Variants in PHF21A observed in about 807,000 individuals in gnomAD.
PHF21A encodes the protein PHD finger protein 21A.
In PHF21A, 11 loss-of-function variants were observed where a neutral mutation model predicts 82.5. That is an observed-to-expected ratio of 0.13 (90% CI 0.08 to 0.22). The LOEUF is 0.22. PHF21A is among the 10% of genes least tolerant of loss of function. PHF21A has a pLI of 1.00. For synonymous variants in PHF21A, 297 were observed against 302.8 expected, an observed-to-expected ratio of 0.98 and a Z score of 0.20; for missense variants, 579 against 837.8, an observed-to-expected ratio of 0.69 and a Z score of 3.81.
rs751080422 is a variant in PHF21A at position 45,953,595 on chromosome 11, T to G, written c.1027A>C (p.Lys343Gln). The G allele has an allele frequency of 6.2e-7, 1 of 1,613,822 alleles. No individual in the cohort carries two copies. Among genetic ancestry groups the G allele is most frequent in the Non-Finnish European group, 8.5e-7 (1 of 1,179,762 alleles). The change falls in exon 11 of 19, where the codon AAA becomes CAA. Residue 343 changes from lysine (K) to glutamine (Q), a missense_variant. Coordinates refer to ENST00000676320, the MANE Select transcript of PHF21A (RefSeq NM_001352027.3). ...GTGATGGTGCGGCTCTCTGTTTGTT[T>G]CTCATCTGTTTCTGTGTGAGATTTA... is the stretch of plus-strand genomic sequence containing the variant. ...TVKSHTETDE[K>Q]QTESRTITPP... is the part of the protein sequence containing the mutation.
chr11:46,026,114 G>A (rs1374818112), intron 6 of PHF21A, among the ~76,000 whole-genome samples: 2 of 152,178 alleles, frequency 1.3e-5, no homozygotes, highest in African/African-American at 2.4e-5. Flanking sequence ...GTACTTAGGC[G>A]AGAGACCTGG....
chr11:45,946,110 A>G (rs1466050599), intron 14 of PHF21A, 107 bp from the exon 15 acceptor site: 8 of 1,613,818 alleles, frequency 5.0e-6, no homozygotes, highest in Non-Finnish European at 5.9e-6. Context: ...TAGCATGGAA[A>G]AGGAAGTGAG....
intron 10 of PHF21A, among the ~76,000 whole-genome samples, chr11:45,961,659 T>C (rs974705010): frequency 1.2e-4 from 18 of 152,088 alleles, no homozygotes; most frequent in African/African-American, 1.7e-4. Flanking sequence ...GAAGTCTTTG[T>C]TGCAGGGTGG....
chr11:45,985,503 G>C (rs1125290), intron 6 of PHF21A, among the ~76,000 whole-genome samples: 80,271 of 152,018 alleles, frequency 0.53, 23,413 homozygotes, highest in Non-Finnish European at 0.66. Flanking sequence ...AATTCAATAA[G>C]AGAATCTGCA....
chr11:45,966,858 C>A (rs113249459), intron 9 of PHF21A, among the ~76,000 whole-genome samples: 3,241 of 152,132 alleles, frequency 0.021, 43 homozygotes, highest in South Asian at 0.047. Flanking sequence ...ACCTCGGGAT[C>A]CACCCGCCTT....
chr11:45,960,598 T>G (rs1399858443), intron 10 of PHF21A, among the ~76,000 whole-genome samples: 1 of 152,216 alleles, frequency 6.6e-6, no homozygotes, highest in Non-Finnish European at 1.5e-5. Context: ...GAAAATGTTG[T>G]GTAACTTAAC....
intron 6 of PHF21A, among the ~76,000 whole-genome samples, chr11:46,012,164 C>T (rs941483929): frequency 1.3e-5 from 2 of 152,196 alleles, no homozygotes; most frequent in Non-Finnish European, 2.9e-5. Flanking sequence ...CATCTTTACC[C>T]TAACCTTCTA....
In PHF21A at chr11:46,040,923, ACACACACACACG is replaced by A. The variant is rs1321519451; in HGVS notation, c.153+35819_153+35830del. ...CACACACACACACACACACACACAC[ACACACACACACG>A]CACGCACAATTAAGGTTCTTGATCT... is the stretch of plus-strand genomic sequence containing the variant. On this transcript the variant is annotated intron_variant, in intron 6 of 18. Coordinates refer to ENST00000676320, the MANE Select transcript of PHF21A (RefSeq NM_001352027.3). Among the ~76,000 whole-genome samples, 235 of 125,194 alleles carry A rather than the reference ACACACACACACG, an allele frequency of 1.9e-3. 2 individuals are homozygous for A. The highest frequency in any genetic ancestry group is 8.9e-3 in the Middle Eastern group (2 of 224). The allele number at this position is 125,194 out of a possible 152,430, so 82.1% of individuals were successfully genotyped here.
chr11:46,017,257 C>T (rs2095535749), intron 6 of PHF21A, among the ~76,000 whole-genome samples: 1 of 152,236 alleles, frequency 6.6e-6, no homozygotes, highest in Admixed American at 6.5e-5. Context: ...AGGCGTGAGC[C>T]ACCACGCCCG....
intron 6 of PHF21A, among the ~76,000 whole-genome samples, chr11:46,067,614 T>G (rs1248480272): frequency 7.5e-6 from 1 of 133,932 alleles, no homozygotes; most frequent in East Asian, 2.2e-4. Context: ...AAAAAAAAAC[T>G]GAATTGAATC....
At chr11:45,985,132 T>C (rs2094447989) in intron 6 of PHF21A, among the ~76,000 whole-genome samples, 1 of 152,206 alleles carries the variant, frequency 6.6e-6, no homozygotes, top group African/African-American at 2.4e-5. Context: ...GAGAAATGTT[T>C]ATTTGTTGAT....
At chr11:46,030,830 CGTGTGTGTGTGTGTGTGT>C (rs71038879) in intron 6 of PHF21A, among the ~76,000 whole-genome samples, 4 of 142,212 alleles carry the variant, frequency 2.8e-5, no homozygotes, top group Non-Finnish European at 4.6e-5. Context: ...CGTGTGTGTG[CGTGTGTGTGTGTGTGTGT>C]GTGTGTGTGT....
At chr11:45,964,771 T>C (rs1233546255) in intron 10 of PHF21A, among the ~76,000 whole-genome samples, 1 of 152,244 alleles carries the variant, frequency 6.6e-6, no homozygotes, top group Non-Finnish European at 1.5e-5. Context: ...TCAGGAAATA[T>C]AAATGAAATG....
At chr11:45,962,608 T>C (rs1006527680) in intron 10 of PHF21A, among the ~76,000 whole-genome samples, 9 of 150,784 alleles carry the variant, frequency 6.0e-5, no homozygotes, top group African/African-American at 2.0e-4. Context: ...AGAGAGAACA[T>C]TGGCCAGGCG....
chr11:46,029,165 CA>C (rs1434221746), intron 6 of PHF21A, among the ~76,000 whole-genome samples: 1 of 152,208 alleles, frequency 6.6e-6, no homozygotes, highest in East Asian at 1.9e-4. Flanking sequence ...CTTCTTGTCT[CA>C]TAATCTTTGG....
chr11:46,075,101 G>T (rs113857742), intron 6 of PHF21A, among the ~76,000 whole-genome samples: 3,260 of 152,204 alleles, frequency 0.021, 108 homozygotes, highest in African/African-American at 0.074. Context: ...AACAATTAGA[G>T]CTTGCCACTT....
intron 9 of PHF21A, among the ~76,000 whole-genome samples, chr11:45,969,108 C>T (rs1013675295): frequency 6.6e-6 from 1 of 152,156 alleles, no homozygotes; most frequent in African/African-American, 2.4e-5. Context: ...ACACTACTGA[C>T]CACAAAACTC....
chr11:46,114,457 T>C (rs1414487568), intron 1 of PHF21A, among the ~76,000 whole-genome samples: 3 of 152,202 alleles, frequency 2.0e-5, no homozygotes, highest in African/African-American at 7.2e-5. Context: ...AAAGATAAGC[T>C]GGCACACAAA....
At chr11:45,998,823 TTTTG>T (rs943646296) in intron 6 of PHF21A, among the ~76,000 whole-genome samples, 3 of 110,142 alleles carry the variant, frequency 2.7e-5, no homozygotes, top group African/African-American at 1.0e-4. Flanking sequence ...CCCGGCCTTT[TTTTG>T]TTTTTGTTTT....
Sources: gnomAD v4.1 joint callset for allele counts (sites outside exome capture counted in the v4.1 genomes callset) on GRCh38, gnomAD v4.1.1 for gene constraint, MANE v1.5 for transcripts, NCBI Gene and HGNC (gene_info 2026-07-23, HGNC 2026-07-21) for gene names.